Variants in PIK3C2G observed in about 807,000 individuals in gnomAD.
The protein encoded by PIK3C2G is phosphatidylinositol 3-kinase C2 domain-containing subunit gamma.
A neutral mutation model predicts 181.1 loss-of-function variants in PIK3C2G; 168 were observed. The ratio of observed to expected loss-of-function variants is 0.93; its 90% CI spans 0.82 to 1.05. The LOEUF (loss-of-function observed/expected upper bound fraction) is 1.05. PIK3C2G is among the 50% of genes least tolerant of loss of function. PIK3C2G has a pLI of 0.00. For missense variants in PIK3C2G, 1,869 were observed against 1,732.8 expected, an observed-to-expected ratio of 1.08 and a Z score of -1.40; for synonymous variants, 573 against 592.2, an observed-to-expected ratio of 0.97 and a Z score of 0.47.
At chr12:18,459,332 A>G (rs911053779) in intron 18 of PIK3C2G, among the ~76,000 whole-genome samples, 2 of 152,198 alleles carry the variant, frequency 1.3e-5, no homozygotes, top group Non-Finnish European at 2.9e-5. Context: ...ATTTAACCTA[A>G]GTCTAAGGCA....
At chr12:18,461,975 A>T (rs1947942757) in intron 18 of PIK3C2G, among the ~76,000 whole-genome samples, 1 of 152,142 alleles carries the variant, frequency 6.6e-6, no homozygotes, top group East Asian at 1.9e-4. Flanking sequence ...TTCTGTTGTC[A>T]CATCTTCTCT....
chr12:18,503,477 A>G (rs1466417426), intron 23 of PIK3C2G, 60 bp downstream of exon 23: 2 of 1,215,512 alleles, frequency 1.6e-6, no homozygotes, highest in South Asian at 1.7e-5. Context: ...GCTCTGGTTC[A>G]TTAGATATTC....
rs146549652 is a variant in PIK3C2G, at chr12:18,263,402, A to G, written c.-79+1825A>G. 1.1e-3 allele frequency among the ~76,000 whole-genome samples: 173 copies of G among 152,218 alleles called. 1 individual carries two copies. Among genetic ancestry groups the G allele is most frequent in the African/African-American group, 3.9e-3 (163 of 41,568 alleles). On this transcript the variant is annotated intron_variant, in intron 1 of 32. Coordinates refer to ENST00000538779, the MANE Select transcript of PIK3C2G (RefSeq NM_001288772.2). ...TGTCCTTATAAAGGTATAAATTCCA[A>G]TACTGGATACAGTATCTTATATATG...
chr12:18,332,493 ATC>A lies in PIK3C2G; in HGVS notation c.1273-5931_1273-5930del, dbSNP rs150860996. ...ACATGGCGGCCAAACTCTGCCTTATATCTGTGTCGTTCACAGTAAACGAGAGT... is the reference window on the plus strand; with the variant it reads ...ACATGGCGGCCAAACTCTGCCTTATATGTGTCGTTCACAGTAAACGAGAGT... On this transcript the variant is annotated intron_variant, in intron 8 of 32. Coordinates refer to ENST00000538779, the MANE Select transcript of PIK3C2G (RefSeq NM_001288772.2). Among the ~76,000 whole-genome samples the A allele has an allele frequency of 7.2e-3, 1,102 of 152,154 alleles. 11 individuals are homozygous for A. Among genetic ancestry groups the A allele is most frequent in the African/African-American group, 0.025 (1,050 of 41,536 alleles).
In PIK3C2G at chr12:18,488,656, A is replaced by G. The variant is rs575855279; in HGVS notation, c.2685+27A>G. 2.2e-6 allele frequency: 3 copies of G among 1,363,696 alleles called. No homozygotes were observed. The East Asian group carries it at 8.0e-5, about 36-fold the overall frequency. 84.5% of individuals were successfully genotyped at this position (1,363,696 alleles called of 1,614,324 possible). On this transcript the variant is annotated intron_variant, in intron 19 of 32. Transcript: ENST00000538779. The stretch of plus-strand genomic sequence containing the variant: ...TTTGTTGAAATATTAATATTCAGGT[A>G]GTAATGTTTTTAACTTTGGCTTAAA...
intron 8 of PIK3C2G, among the ~76,000 whole-genome samples, chr12:18,325,424 A>G (rs1261632485): frequency 2.6e-5 from 4 of 152,156 alleles, no homozygotes; most frequent in Non-Finnish European, 4.4e-5. Context: ...GGTGGGGAGT[A>G]GAGATAACTT....
upstream of PIK3C2G, among the ~76,000 whole-genome samples, chr12:18,257,416 C>A (rs1178472764): frequency 6.6e-6 from 1 of 152,076 alleles, no homozygotes; most frequent in African/African-American, 2.4e-5. Flanking sequence ...TGGAACACAG[C>A]ACAGGAGAAC....
the PIK3C2G span, among the ~76,000 whole-genome samples, chr12:18,719,942 T>C: frequency 1.3e-5 from 2 of 152,210 alleles, no homozygotes; most frequent in Non-Finnish European, 2.9e-5. Context: ...CACATCTGGA[T>C]GACTGGCACA....
At chr12:18,664,039 C>T in the PIK3C2G span, among the ~76,000 whole-genome samples, 1 of 152,096 alleles carries the variant, frequency 6.6e-6, no homozygotes, top group South Asian at 2.1e-4. Context: ...ATCAAAACTA[C>T]AATGATATAA....
At chr12:18,481,474 T>C (rs1452205425) in intron 18 of PIK3C2G, among the ~76,000 whole-genome samples, 2 of 152,206 alleles carry the variant, frequency 1.3e-5, no homozygotes, top group African/African-American at 4.8e-5. Flanking sequence ...CTCTTCATTG[T>C]AGGTTGTTTA....
At chr12:18,688,285 ATTAAG>A in the PIK3C2G span, 164 of 1,510,024 alleles carry the variant, frequency 1.1e-4, no homozygotes, top group Middle Eastern at 4.1e-4. Flanking sequence ...TTATTTCAAA[ATTAAG>A]TTATGTATTA....
At chr12:18,679,249 T>C in the PIK3C2G span, among the ~76,000 whole-genome samples, 1 of 152,032 alleles carries the variant, frequency 6.6e-6, no homozygotes, top group Non-Finnish European at 1.5e-5. Context: ...GCTTACCTTA[T>C]CATTTTCATT....
chr12:18,312,620 T>C (rs1950687430), intron 5 of PIK3C2G, among the ~76,000 whole-genome samples: 5 of 152,056 alleles, frequency 3.3e-5, no homozygotes, highest in Admixed American at 3.3e-4. Context: ...AGAAAAGCAG[T>C]GGCCATGACT....
intron 29 of PIK3C2G, among the ~76,000 whole-genome samples, chr12:18,584,675 A>G (rs538143937): frequency 6.6e-6 from 1 of 152,210 alleles, no homozygotes; most frequent in African/African-American, 2.4e-5. Context: ...AAACAATAAA[A>G]CTCAGTAAAT....
At chr12:18,590,871 T>C (rs1034203089) in intron 29 of PIK3C2G, among the ~76,000 whole-genome samples, 3 of 151,918 alleles carry the variant, frequency 2.0e-5, no homozygotes, top group African/African-American at 7.2e-5. Context: ...ACACCCAGAA[T>C]TATAAATGAG....
intron 31 of PIK3C2G, among the ~76,000 whole-genome samples, chr12:18,620,935 G>A (rs978859029): frequency 8.6e-5 from 13 of 151,992 alleles, no homozygotes; most frequent in Admixed American, 1.3e-4. Flanking sequence ...ACAGGATAAA[G>A]ATAAGTATCT....
chr12:18,269,139 G>C (rs923739572), intron 1 of PIK3C2G, among the ~76,000 whole-genome samples: 1 of 151,802 alleles, frequency 6.6e-6, no homozygotes, highest in African/African-American at 2.4e-5. Context: ...TTGAACTCCT[G>C]GCCTCAAGTC....
In PIK3C2G at chr12:18,423,979, T is replaced by G. The variant is rs767447877; in HGVS notation, c.2444T>G (p.Leu815Ter). ...TTTGAATGGAACCTTGAGAGTCCTT[T>G]AGTGCAACTTCTACTCCACCGCTCC... ...VKFEWNLESP[L>*]VQLLLHRSLQ... Residue 815 changes from leucine (L) to a stop codon, truncating the protein, a stop_gained, in exon 18 of 33, where the codon TTA becomes TGA. Coordinates refer to ENST00000538779, the MANE Select transcript of PIK3C2G (RefSeq NM_001288772.2). LOFTEE classifies it high-confidence loss of function. 1.9e-6 allele frequency: 3 copies of G among 1,611,652 alleles called. No homozygotes were observed. Among genetic ancestry groups the G allele is most frequent in the Non-Finnish European group, 2.5e-6 (3 of 1,178,804 alleles).
chr12:18,404,390 C>A (rs2138160479), intron 16 of PIK3C2G, among the ~76,000 whole-genome samples: 1 of 152,288 alleles, frequency 6.6e-6, no homozygotes, highest in South Asian at 2.1e-4. Flanking sequence ...GCCATAGTGA[C>A]TGTCTCTAAA....
Sources: allele counts gnomAD v4.1 joint callset (sites outside exome capture counted in the v4.1 genomes callset), GRCh38; gene constraint gnomAD v4.1.1; transcripts MANE v1.5; gene names NCBI Gene and HGNC (gene_info 2026-07-23, HGNC 2026-07-21).